Variants in SPMIP4 observed in about 807,000 individuals in gnomAD.
SPMIP4 encodes the protein sperm microtubule inner protein 4.
the SPMIP4 span, chr7:25,142,790 T>C: frequency 3.2e-6 from 5 of 1,555,232 alleles, no homozygotes; most frequent in Non-Finnish European, 4.3e-6. Context: ...AATACTGGCT[T>C]ATTTTTCTCA....
the SPMIP4 span, among the ~76,000 whole-genome samples, chr7:25,146,266 T>C: frequency 6.6e-6 from 1 of 152,096 alleles, no homozygotes; most frequent in Non-Finnish European, 1.5e-5. Context: ...GGACGCCTGG[T>C]TGGATAACAG....
At chr7:25,146,480 TC>T in the SPMIP4 span, among the ~76,000 whole-genome samples, 3 of 152,090 alleles carry the variant, frequency 2.0e-5, no homozygotes, top group Non-Finnish European at 1.5e-5. Context: ...CTAAAGGAGG[TC>T]CCTGCATGAT....
the SPMIP4 span, among the ~76,000 whole-genome samples, chr7:25,158,854 CAA>C: frequency 1.5e-5 from 2 of 131,676 alleles, no homozygotes; most frequent in Admixed American, 7.5e-5. Flanking sequence ...AAGTCTGTCT[CAA>C]AAAAAAAAAA....
the SPMIP4 span, among the ~76,000 whole-genome samples, chr7:25,154,582 G>A: frequency 1.3e-5 from 2 of 152,116 alleles, no homozygotes; most frequent in Non-Finnish European, 1.5e-5. Flanking sequence ...ATTTCAATGG[G>A]GATCTTTCAA....
the SPMIP4 span, among the ~76,000 whole-genome samples, chr7:25,140,834 G>A: frequency 2.0e-5 from 3 of 152,022 alleles, no homozygotes; most frequent in Non-Finnish European, 4.4e-5. Flanking sequence ...CGATCCACCC[G>A]CCTCAGCCTC....
At chr7:25,157,761 C>A in the SPMIP4 span, among the ~76,000 whole-genome samples, 2 of 152,110 alleles carry the variant, frequency 1.3e-5, no homozygotes, top group African/African-American at 4.8e-5. Flanking sequence ...GGATGGGATC[C>A]TGGGACAGAA....
At chr7:25,158,387 A>AAAAAAT in the SPMIP4 span, 1 of 756,050 alleles carries the variant, frequency 1.3e-6, no homozygotes, top group East Asian at 2.9e-5. Context: ...AAAAAAAAAA[A>AAAAAAT]AGAAACGTTT....
At chr7:25,139,678 G>A in the SPMIP4 span, among the ~76,000 whole-genome samples, 1 of 152,156 alleles carries the variant, frequency 6.6e-6, no homozygotes, top group African/African-American at 2.4e-5. Flanking sequence ...AGTAAATACT[G>A]TGATGAAAAA....
chr7:25,156,387 A>C, the SPMIP4 span, among the ~76,000 whole-genome samples: 1 of 152,132 alleles, frequency 6.6e-6, no homozygotes, highest in Non-Finnish European at 1.5e-5. Flanking sequence ...AAGAAATATG[A>C]CCTAACAAAA....
the SPMIP4 span, among the ~76,000 whole-genome samples, chr7:25,157,851 T>C: frequency 2.0e-5 from 3 of 152,212 alleles, no homozygotes; most frequent in African/African-American, 7.2e-5. Flanking sequence ...CAATGTTTCA[T>C]TAATTGTGAC....
the SPMIP4 span, among the ~76,000 whole-genome samples, chr7:25,157,685 CTG>C: frequency 1.3e-5 from 2 of 152,040 alleles, no homozygotes; most frequent in East Asian, 3.9e-4. Context: ...CAAGGGAAGT[CTG>C]AGAAACTGTC....
the SPMIP4 span, chr7:25,158,550 C>T: frequency 4.4e-6 from 7 of 1,602,376 alleles, no homozygotes; most frequent in African/African-American, 1.3e-5. Flanking sequence ...AAACAGGAAA[C>T]AAGTTCTAAC....
the SPMIP4 span, chr7:25,134,671 G>A: frequency 1.0e-6 from 1 of 986,052 alleles, no homozygotes; most frequent in Non-Finnish European, 1.2e-6. Context: ...AAAACTCTAG[G>A]AGTGCAATCA....
the SPMIP4 span, among the ~76,000 whole-genome samples, chr7:25,148,312 A>G: frequency 6.6e-6 from 1 of 152,080 alleles, no homozygotes; most frequent in Non-Finnish European, 1.5e-5. Flanking sequence ...GGTCGTGCAC[A>G]GCTGCAGTCC....
the SPMIP4 span, chr7:25,135,904 GA>G: frequency 6.6e-7 from 1 of 1,510,094 alleles, no homozygotes; most frequent in South Asian, 1.4e-5. Flanking sequence ...CCAGCAATAC[GA>G]AGGAAATTCT....
chr7:25,141,363 G>A, the SPMIP4 span, among the ~76,000 whole-genome samples: 1 of 152,068 alleles, frequency 6.6e-6, no homozygotes, highest in African/African-American at 2.4e-5. Context: ...CACGAGGTCA[G>A]GAGATCGAGA....
At chr7:25,127,222 T>C in the SPMIP4 span, among the ~76,000 whole-genome samples, 12 of 152,172 alleles carry the variant, frequency 7.9e-5, no homozygotes, top group Admixed American at 5.9e-4. Flanking sequence ...AATATTGATA[T>C]CTTTCTCTAG....
At chr7:25,177,538 A>AT in the SPMIP4 span, among the ~76,000 whole-genome samples, 1 of 152,078 alleles carries the variant, frequency 6.6e-6, no homozygotes, top group South Asian at 2.1e-4. Flanking sequence ...CACTCAGGCT[A>AT]TTTTTTCACT....
chr7:25,133,116 G>A, the SPMIP4 span, among the ~76,000 whole-genome samples: 1 of 152,178 alleles, frequency 6.6e-6, no homozygotes, highest in Non-Finnish European at 1.5e-5. Flanking sequence ...ATTATTGTCT[G>A]TACTTGTTCA....
Sources: gnomAD v4.1 joint callset for allele counts (sites outside exome capture counted in the v4.1 genomes callset) on GRCh38, gnomAD v4.1.1 for gene constraint, MANE v1.5 for transcripts, NCBI Gene and HGNC (gene_info 2026-07-23, HGNC 2026-07-21) for gene names.